Variants in MDM2 observed in about 807,000 individuals in gnomAD.
MDM2 encodes the protein E3 ubiquitin-protein ligase Mdm2.
A neutral mutation model predicts 64.3 loss-of-function variants in MDM2; 11 were observed. That is an observed-to-expected ratio of 0.17 (90% confidence interval 0.11 to 0.28). The LOEUF (loss-of-function observed/expected upper bound fraction) is 0.28, where lower values mean the gene tolerates loss of function less well. MDM2 is among the 10% of genes least tolerant of loss of function. MDM2 has a pLI of 1.00. For synonymous variants in MDM2, 194 were observed against 192.9 expected (o/e 1.01, Z -0.05); for missense variants, 388 against 577.1 (o/e 0.67, Z 3.36).
downstream of MDM2, chr12:68,847,544 C>T (rs559091360): frequency 1.4e-5 from 2 of 144,790 alleles, no homozygotes; most frequent in African/African-American, 2.6e-5. Context: ...AGCTCCGCCT[C>T]CCAGGTTCAC....
At chr12:68,809,177 A>G (rs1454773889) in intron 1 of MDM2, 31 bp from the exon 2 acceptor site, 2 of 1,606,050 alleles carry the variant, frequency 1.2e-6, no homozygotes, top group East Asian at 2.2e-5. Flanking sequence ...CATGATTTCC[A>G]GTTTTCATCG....
At chr12:68,838,948 G>A (rs534422314) in intron 10 of MDM2, among the ~76,000 whole-genome samples, 41 of 152,232 alleles carry the variant, frequency 2.7e-4, no homozygotes, top group African/African-American at 8.4e-4. Flanking sequence ...GACATATAAC[G>A]TGATGTTTTG....
intron 5 of MDM2, among the ~76,000 whole-genome samples, chr12:68,820,632 A>G (rs1006008293): frequency 1.4e-4 from 22 of 152,228 alleles, no homozygotes; most frequent in African/African-American, 4.6e-4. Context: ...AAAGGTCTGT[A>G]ATTTCAAAAG....
chr12:68,844,972 TG>T lies in MDM2; in HGVS notation c.*5125del, dbSNP rs1400787850. On this transcript the variant is annotated 3_prime_UTR_variant, in exon 11 of 11. Coordinates refer to ENST00000258149, the MANE Select transcript of MDM2 (RefSeq NM_002392.6). Reference sequence around the variant, plus strand: ...TAGCAGAGATGAAGTTTCACTATGTTGGCCAGGCTGGGCTCAAACTCCTGAC... The same window carrying T: ...TAGCAGAGATGAAGTTTCACTATGTTGCCAGGCTGGGCTCAAACTCCTGAC... 5.2e-6 allele frequency: 1 copy of T among 193,292 alleles called. No individual in the cohort carries two copies. Among genetic ancestry groups the T allele is most frequent in the African/African-American group, 2.3e-5 (1 of 43,076 alleles). 12.0% of individuals were successfully genotyped at this position (193,292 alleles called of 1,614,324 possible). A position where few individuals can be genotyped will look rare whatever the true frequency, so the allele number is the denominator to read the frequency against.
At chr12:68,810,309 TAAA>T (rs149695813) in intron 2 of MDM2, among the ~76,000 whole-genome samples, 5 of 140,504 alleles carry the variant, frequency 3.6e-5, no homozygotes, top group Admixed American at 7.0e-5. Flanking sequence ...AAACTCCGTC[TAAA>T]AAAAAAAAAA....
chr12:68,816,710 C>A, intron 3 of MDM2, 102 bp from the exon 4 acceptor site: 1 of 1,023,964 alleles, frequency 9.8e-7, no homozygotes, highest in Non-Finnish European at 1.4e-6. Context: ...GGATATGGTT[C>A]CTGGTTGTTT....
At chr12:68,824,852 A>G (rs1255019726) in intron 7 of MDM2, 1 of 543,562 alleles carries the variant, frequency 1.8e-6, no homozygotes, top group Admixed American at 3.6e-5. Flanking sequence ...TACAGCAGGC[A>G]CAGTTTACTG....
chr12:68,817,230 A>C (rs890706099), intron 4 of MDM2, among the ~76,000 whole-genome samples: 1 of 152,186 alleles, frequency 6.6e-6, no homozygotes, highest in African/African-American at 2.4e-5. Flanking sequence ...TAAATACTTC[A>C]TGTGGAGGTT....
chr12:68,831,431 T>C (rs967762457), intron 8 of MDM2, among the ~76,000 whole-genome samples: 1 of 152,190 alleles, frequency 6.6e-6, no homozygotes, highest in Non-Finnish European at 1.5e-5. Context: ...ACCCCAGTCC[T>C]TTAATACACA....
At position 68,817,094 on chromosome 12, in the gene MDM2, T is replaced by A. The variant is rs932306579; in HGVS notation, c.308+149T>A. On this transcript the variant is annotated intron_variant, in intron 4 of 10. Coordinates refer to ENST00000258149, the MANE Select transcript of MDM2 (RefSeq NM_002392.6). ...ATTTTTTAGCTCTGCGGCATATTATTTGAGAACCTGAGCTCTGGCATCTTA... is the reference window on the plus strand; with the variant it reads ...ATTTTTTAGCTCTGCGGCATATTATATGAGAACCTGAGCTCTGGCATCTTA... The A allele has an allele frequency of 1.1e-5, 9 of 822,206 alleles. No homozygotes were observed. The East Asian group carries it at 2.8e-4, about 26-fold the overall frequency. The allele number at this position is 822,206 out of a possible 1,614,324, so 50.9% of individuals were successfully genotyped here. A position where few individuals can be genotyped will look rare whatever the true frequency, so the allele number is the denominator to read the frequency against.
Position 68,844,377 on chromosome 12 carries a change from A to G in MDM2, c.*4528A>G, listed in dbSNP as rs1884080893. The stretch of plus-strand genomic sequence containing the variant: ...CAGTTGGGAGCCTCCAATGAGAGCA[A>G]CTTGAGAGAATGATGTTGCAAGTTA... On this transcript the variant is annotated 3_prime_UTR_variant, in exon 11 of 11. Transcript: ENST00000258149. 4.4e-6 allele frequency: 1 copy of G among 225,324 alleles called. No homozygotes were observed. The highest frequency in any genetic ancestry group is 1.8e-4 in the South Asian group (1 of 5,480). The allele number at this position is 225,324 out of a possible 1,614,324, so 14.0% of individuals were successfully genotyped here.
downstream of MDM2, chr12:68,845,982 C>T (rs976759521): frequency 6.9e-6 from 1 of 145,102 alleles, no homozygotes; most frequent in Non-Finnish European, 1.5e-5. Flanking sequence ...GAGACAGAGT[C>T]TTGCTCTTTC....
intron 8 of MDM2, among the ~76,000 whole-genome samples, chr12:68,833,636 G>C (rs926168537): frequency 2.6e-5 from 4 of 151,688 alleles, no homozygotes; most frequent in African/African-American, 7.3e-5. Flanking sequence ...GCTCTGCCGG[G>C]CCATGGTTTC....
At chr12:68,815,722 T>G (rs1435209933) in intron 3 of MDM2, 1 of 305,784 alleles carries the variant, frequency 3.3e-6, no homozygotes, top group Non-Finnish European at 6.7e-6. Flanking sequence ...GATTTACAGG[T>G]GTGAGCCACT....
rs1883911044 is a variant in MDM2, at chr12:68,842,888, T to C, written c.*3039T>C. The C allele has an allele frequency of 4.8e-6, 1 of 206,938 alleles. No individual in the cohort carries two copies. The highest frequency in any genetic ancestry group is 2.3e-5 in the African/African-American group (1 of 43,778). 12.8% of individuals were successfully genotyped at this position (206,938 alleles called of 1,614,324 possible). A position where few individuals can be genotyped will look rare whatever the true frequency, so the allele number is the denominator to read the frequency against. On this transcript the variant is annotated 3_prime_UTR_variant, in exon 11 of 11. Coordinates refer to ENST00000258149, the MANE Select transcript of MDM2 (RefSeq NM_002392.6). ...TGAAGCCTAGTTATGCTGGACTGTT[T>C]TGATCTCTTTTAATTGTTCTGACAG...
intron 5 of MDM2, among the ~76,000 whole-genome samples, chr12:68,823,325 A>G (rs1333819071): frequency 6.6e-6 from 1 of 152,224 alleles, no homozygotes; most frequent in African/African-American, 2.4e-5. Context: ...TTTTGAGCTC[A>G]AAGTCTGTAT....
rs776440409 is a variant in MDM2, at chr12:68,839,331, A to G, written c.976A>G (p.Asn326Asp). The change falls in exon 11 of 11, where the codon AAC (asparagine) becomes GAC (aspartate). Residue 326 changes from asparagine to aspartate, a missense_variant. By Grantham distance (23) the Asn-to-Asp change is conservative (BLOSUM62 1). Around this residue, in one of 5 missense-constraint regions of MDM2, gnomAD observed 138 missense variants for 143.7 expected, o/e 0.96. Transcript: ENST00000258149. ...GAATCCCCCCCTTCCATCACATTGCAACAGATGTTGGGCCCTTCGTGAGAA... is the reference window on the plus strand; with the variant it reads ...GAATCCCCCCCTTCCATCACATTGCGACAGATGTTGGGCCCTTCGTGAGAA... ...EMNPPLPSHC[N>D]RCWALRENWL... 1 of 1,614,026 alleles carries G rather than the reference A, an allele frequency of 6.2e-7. No homozygotes were observed. Among genetic ancestry groups the G allele is most frequent in the East Asian group, 2.2e-5 (1 of 44,846 alleles).
At chr12:68,808,596 G>A (rs1324635969) in intron 1 of MDM2, 105 bp downstream of exon 1, 2 of 1,529,358 alleles carry the variant, frequency 1.3e-6, no homozygotes, top group South Asian at 2.3e-5. Context: ...TGTGCGGTTC[G>A]TGGCTGGGGG....
chr12:68,824,822 G>A, intron 7 of MDM2, 171 bp downstream of exon 7: 4 of 586,364 alleles, frequency 6.8e-6, no homozygotes, highest in Non-Finnish European at 8.9e-6. Context: ...TGCTTATTTA[G>A]CAATATTTTT....
Sources: gnomAD v4.1 joint callset for allele counts (sites outside exome capture counted in the v4.1 genomes callset) on GRCh38, gnomAD v4.1.1 for gene constraint, gnomAD v4.1.1 regional missense constraint, MANE v1.5 for transcripts, NCBI Gene and HGNC (gene_info 2026-07-23, HGNC 2026-07-21) for gene names.